Variants in EHBP1 observed in about 807,000 individuals in gnomAD.
EHBP1 encodes EH domain binding protein 1, also known as EH domain-binding protein 1.
In EHBP1, 55 loss-of-function variants were observed where a neutral mutation model predicts 144.0. The observed-to-expected ratio is 0.38, with a 90% confidence interval of 0.31 to 0.48. The LOEUF is 0.48. Among genes scored for constraint, EHBP1 ranks in the 20% least tolerant of loss-of-function variants. EHBP1 has a pLI of 0.98. For missense variants in EHBP1, 1,200 were observed against 1,364.2 expected (o/e 0.88, Z 1.90); for synonymous variants, 469 against 472.7 (o/e 0.99, Z 0.10).
At chr2:62,673,957 G>A in exon 1 of EHBP1, 1 of 461,164 alleles carries the variant, frequency 2.2e-6, no homozygotes, top group South Asian at 1.6e-5. Flanking sequence ...GCAGAACTGG[G>A]TTGCTTGCTA....
At chr2:62,799,525 C>T (rs1442740958) in intron 5 of EHBP1, among the ~76,000 whole-genome samples, 1 of 152,056 alleles carries the variant, frequency 6.6e-6, no homozygotes, top group Non-Finnish European at 1.5e-5. Flanking sequence ...CAATGCTGTG[C>T]CTAAGACATC....
intron 6 of EHBP1, among the ~76,000 whole-genome samples, chr2:62,827,827 C>G (rs1179945113): frequency 6.6e-6 from 1 of 152,126 alleles, no homozygotes; most frequent in Non-Finnish European, 1.5e-5. Flanking sequence ...ACCACCACAC[C>G]TGGCTAATTT....
intron 7 of EHBP1, among the ~76,000 whole-genome samples, chr2:62,855,876 G>A (rs1330110515): frequency 6.6e-6 from 1 of 152,016 alleles, no homozygotes; most frequent in Non-Finnish European, 1.5e-5. Context: ...ACAATGGGTC[G>A]ACCTGCCTGT....
chr2:62,696,059 A>G (rs2034076408), intron 1 of EHBP1, among the ~76,000 whole-genome samples: 1 of 152,230 alleles, frequency 6.6e-6, no homozygotes. Flanking sequence ...AAATTAAAAA[A>G]GAAAACGTAT....
At chr2:62,919,235 C>T (rs2054873636) in intron 10 of EHBP1, among the ~76,000 whole-genome samples, 1 of 152,200 alleles carries the variant, frequency 6.6e-6, no homozygotes, top group South Asian at 2.1e-4. Context: ...TTGGTGTAAG[C>T]CCCTGTCTGC....
chr2:62,938,186 T>A (rs1033920417), intron 10 of EHBP1, among the ~76,000 whole-genome samples: 5 of 152,206 alleles, frequency 3.3e-5, no homozygotes, highest in African/African-American at 1.2e-4. Flanking sequence ...TTTGAACACA[T>A]TGAGTTTGAA....
At chr2:62,915,850 A>G (rs2054572583) in intron 10 of EHBP1, among the ~76,000 whole-genome samples, 1 of 152,312 alleles carries the variant, frequency 6.6e-6, no homozygotes, top group Admixed American at 6.5e-5. Context: ...AGAAACAAAC[A>G]CAATCTCATT....
At chr2:62,781,365 C>T (rs2042415356) in intron 5 of EHBP1, among the ~76,000 whole-genome samples, 1 of 152,036 alleles carries the variant, frequency 6.6e-6, no homozygotes, top group Non-Finnish European at 1.5e-5. Flanking sequence ...CATTTGGTGG[C>T]AAAACCTGAC....
chr2:62,943,788 A>T lies in EHBP1; in HGVS notation c.1365-14A>T. The T allele has an allele frequency of 6.3e-7, 1 of 1,584,902 alleles. No homozygotes were observed. Among genetic ancestry groups the T allele is most frequent in the Non-Finnish European group, 8.6e-7 (1 of 1,160,826 alleles). On this transcript the variant is annotated splice_polypyrimidine_tract_variant and intron_variant, in intron 11 of 22. Transcript: ENST00000431489. The stretch of plus-strand genomic sequence containing the variant: ...AAATACTATATGTACCCACTGTGCT[A>T]TTTTCTCCCTCAGTGACTACAAGTC...
intron 10 of EHBP1, among the ~76,000 whole-genome samples, chr2:62,876,998 A>G (rs1380743907): frequency 6.6e-6 from 1 of 152,216 alleles, no homozygotes; most frequent in Non-Finnish European, 1.5e-5. Context: ...CACATATGAC[A>G]ATATTAACCT....
At chr2:62,732,678 C>T (rs553788720) in intron 2 of EHBP1, among the ~76,000 whole-genome samples, 19 of 152,284 alleles carry the variant, frequency 1.2e-4, no homozygotes, top group Non-Finnish European at 2.4e-4. Context: ...AGCTGTCATG[C>T]TTCCTGTAAA....
intron 1 of EHBP1, among the ~76,000 whole-genome samples, chr2:62,679,549 A>G (rs2033435263): frequency 6.6e-6 from 1 of 152,180 alleles, no homozygotes; most frequent in East Asian, 1.9e-4. Flanking sequence ...CTAATATTCC[A>G]GTTTCTTGTT....
intron 1 of EHBP1, among the ~76,000 whole-genome samples, chr2:62,686,087 T>A (rs148846672): frequency 4.9e-4 from 74 of 152,304 alleles, no homozygotes; most frequent in African/African-American, 1.6e-3. Flanking sequence ...AATTCCTAGT[T>A]TGACTTTTGA....
intron 5 of EHBP1, among the ~76,000 whole-genome samples, chr2:62,794,227 A>C (rs924543501): frequency 6.6e-6 from 1 of 152,050 alleles, no homozygotes; most frequent in African/African-American, 2.4e-5. Context: ...GTGAAAATCT[A>C]CTCAAAAGTC....
intron 5 of EHBP1, among the ~76,000 whole-genome samples, chr2:62,785,384 C>G (rs558715773): frequency 6.6e-6 from 1 of 152,178 alleles, no homozygotes; most frequent in South Asian, 2.1e-4. Context: ...GGGACAGTGG[C>G]CTTAGCAGGT....
intron 2 of EHBP1, among the ~76,000 whole-genome samples, chr2:62,708,079 GT>G (rs2034771065): frequency 6.6e-6 from 1 of 152,260 alleles, no homozygotes; most frequent in East Asian, 1.9e-4. Flanking sequence ...TGATTAAGCA[GT>G]AATGGACTTA....
rs2043916236 is a variant in EHBP1 at position 62,800,687 on chromosome 2, C to A, written c.313-25400C>A. On this transcript the variant is annotated intron_variant, in intron 5 of 22. Coordinates refer to ENST00000431489, the MANE Select transcript of EHBP1 (RefSeq NM_001142616.3). Reference sequence around the variant, plus strand: ...TGAAGCATTTGAAGGTGTTTCTCTGCAACCTTACTAACAGATTGTAAAGAA... The same window carrying A: ...TGAAGCATTTGAAGGTGTTTCTCTGAAACCTTACTAACAGATTGTAAAGAA... Among the ~76,000 whole-genome samples the A allele has an allele frequency of 3.3e-5, 5 of 152,146 alleles. No individual in the cohort carries two copies. The South Asian group carries it at 1.0e-3, about 31-fold the overall frequency.
intron 7 of EHBP1, among the ~76,000 whole-genome samples, chr2:62,841,650 C>G (rs974879701): frequency 4.3e-4 from 66 of 152,042 alleles, no homozygotes; most frequent in African/African-American, 1.6e-3. Flanking sequence ...ATAGTATATA[C>G]TGACATTTGC....
At chr2:62,731,823 A>G (rs951564231) in intron 2 of EHBP1, among the ~76,000 whole-genome samples, 3 of 152,182 alleles carry the variant, frequency 2.0e-5, no homozygotes, top group African/African-American at 7.2e-5. Context: ...TTGATTTGCT[A>G]TGTTGATCTG....
Sources: allele counts gnomAD v4.1 joint callset (sites outside exome capture counted in the v4.1 genomes callset), GRCh38; gene constraint gnomAD v4.1.1; transcripts MANE v1.5; gene names NCBI Gene and HGNC (gene_info 2026-07-23, HGNC 2026-07-21).